PLEKHA5: variants seen among roughly 807,000 people sequenced by gnomAD.
PLEKHA5 encodes the protein pleckstrin homology domain containing A5, also known as pleckstrin homology domain-containing family A member 5.
A neutral mutation model predicts 181.9 loss-of-function variants in PLEKHA5; 55 were observed. The ratio of observed to expected loss-of-function variants is 0.30; its 90% CI spans 0.24 to 0.38. PLEKHA5 has a LOEUF of 0.38. PLEKHA5 is among the 10% of genes least tolerant of loss of function. The probability of loss-of-function intolerance (pLI) is 1.00; values close to 1 mark genes in which losing one functional copy is unlikely to be tolerated. For synonymous variants in PLEKHA5, 535 were observed against 529.4 expected (o/e 1.01, Z -0.15); for missense variants, 1,432 against 1,549.5 (o/e 0.92, Z 1.27).
At chr12:19,334,985 A>AC (rs1399888686) in intron 20 of PLEKHA5, among the ~76,000 whole-genome samples, 55 of 68,374 alleles carry the variant, frequency 8.0e-4, no homozygotes, top group African/African-American at 5.9e-3. Flanking sequence ...TTTTTTATGA[A>AC]AAAAAAAAAA....
Position 19,347,037 on chromosome 12 carries a change from A to C in PLEKHA5, c.2753A>C (p.Tyr918Ser). 1 of 1,551,552 alleles carries C rather than the reference A, an allele frequency of 6.4e-7. No homozygotes were observed. Among genetic ancestry groups the C allele is most frequent in the Non-Finnish European group, 8.7e-7 (1 of 1,146,774 alleles). Residue 918 changes from tyrosine (Y) to serine (S), a missense_variant, in exon 24 of 32, where the codon TAT (tyrosine) becomes TCT (serine). Tyr to Ser is a moderately radical substitution (Grantham distance 144). This residue lies in a region of PLEKHA5 where 1,143 missense variants were observed against 1,168.4 expected (regional missense o/e 0.98). Coordinates refer to ENST00000429027, the MANE Select transcript of PLEKHA5 (RefSeq NM_001256470.2). The stretch of plus-strand genomic sequence containing the variant: ...CCTCGTCCTCCACTTCCTCGGTCCT[A>C]TGACTTTACAGAGCAGCCTCCCATA... The part of the protein sequence containing the change: ...VPPRPPLPRS[Y>S]DFTEQPPIIP...
chr12:19,323,746 G>A (rs567401274), intron 20 of PLEKHA5, among the ~76,000 whole-genome samples: 334 of 151,104 alleles, frequency 2.2e-3, no homozygotes, highest in Non-Finnish European at 3.5e-3. Flanking sequence ...AACCTAGGAG[G>A]CAGAGGTTGC....
intron 16 of PLEKHA5, among the ~76,000 whole-genome samples, chr12:19,318,749 C>A (rs1420501723): frequency 6.6e-6 from 1 of 151,958 alleles, no homozygotes; most frequent in East Asian, 1.9e-4. Flanking sequence ...ATGGTGAAAC[C>A]CCGTCTCTAT....
chr12:19,173,058 C>T (rs1206529269), intron 3 of PLEKHA5, among the ~76,000 whole-genome samples: 1 of 111,078 alleles, frequency 9.0e-6, no homozygotes, highest in Non-Finnish European at 1.7e-5. Context: ...GCTCTGTCGC[C>T]CAGGCCGGAC....
In PLEKHA5 at chr12:19,183,058, A is replaced by G. The variant is rs192060155; in HGVS notation, c.227+50608A>G. The stretch of plus-strand genomic sequence containing the variant: ...TGTTGCTAATTAAAGTTTAAAAACC[A>G]CTAGTGAAAATAAACACCAAAACAT... On this transcript the variant is annotated intron_variant, in intron 3 of 31. Transcript: ENST00000429027. Among the ~76,000 whole-genome samples, 9 of 152,354 alleles carry G rather than the reference A, an allele frequency of 5.9e-5. No homozygotes were observed. In the East Asian group the frequency reaches 1.7e-3, roughly 29 times the overall value.
chr12:19,319,084 A>G (rs1296450140), intron 16 of PLEKHA5, among the ~76,000 whole-genome samples: 2 of 152,044 alleles, frequency 1.3e-5, no homozygotes, highest in African/African-American at 4.8e-5. Context: ...TTTTTTCCAG[A>G]TAGGAATATA....
At chr12:19,251,219 A>G (rs2065176205) in intron 3 of PLEKHA5, among the ~76,000 whole-genome samples, 1 of 152,088 alleles carries the variant, frequency 6.6e-6, no homozygotes, top group Admixed American at 6.5e-5. Context: ...AGCCTGGCCA[A>G]CATGGCAAAA....
chr12:19,173,258 C>G (rs1330852577), intron 3 of PLEKHA5, among the ~76,000 whole-genome samples: 2 of 151,442 alleles, frequency 1.3e-5, no homozygotes, highest in East Asian at 3.9e-4. Flanking sequence ...CTCCTGACCT[C>G]ATGATCCACC....
Position 19,285,163 on chromosome 12 carries a change from G to A in PLEKHA5, c.1779+1418G>A, listed in dbSNP as rs965645050. 2.6e-5 allele frequency among the ~76,000 whole-genome samples: 4 copies of A among 152,182 alleles called. No individual in the cohort carries two copies. The South Asian group carries it at 8.3e-4, about 31-fold the overall frequency. On this transcript the variant is annotated intron_variant, in intron 12 of 31. Coordinates refer to ENST00000429027, the MANE Select transcript of PLEKHA5 (RefSeq NM_001256470.2). ...TTGAACTCCATCGTAACAAAGTTCAGTGTTTCCTCACTTTTTCCAAAGACT... is the reference window on the plus strand; with the variant it reads ...TTGAACTCCATCGTAACAAAGTTCAATGTTTCCTCACTTTTTCCAAAGACT...
At chr12:19,189,620 G>C (rs904933176) in intron 3 of PLEKHA5, among the ~76,000 whole-genome samples, 2 of 152,152 alleles carry the variant, frequency 1.3e-5, no homozygotes, top group Non-Finnish European at 2.9e-5. Flanking sequence ...TTGTGGGAAA[G>C]CCAATGGAAA....
intron 20 of PLEKHA5, among the ~76,000 whole-genome samples, chr12:19,332,347 G>A (rs1418775412): frequency 1.3e-5 from 2 of 152,150 alleles, no homozygotes; most frequent in East Asian, 3.9e-4. Context: ...AATATAACAT[G>A]TTCTCAGAAA....
chr12:19,163,967 AG>A (rs1347535010), intron 3 of PLEKHA5, among the ~76,000 whole-genome samples: 1 of 152,130 alleles, frequency 6.6e-6, no homozygotes, highest in Non-Finnish European at 1.5e-5. Context: ...TTCTGTTTGA[AG>A]GGGTAACCAT....
At chr12:19,366,821 TC>T (rs2095435531) in intron 30 of PLEKHA5, among the ~76,000 whole-genome samples, 1 of 152,220 alleles carries the variant, frequency 6.6e-6, no homozygotes, top group Admixed American at 6.5e-5. Context: ...ACCTGGCTGT[TC>T]CTTCAATTGT....
At chr12:19,327,177 C>T (rs76750531) in intron 20 of PLEKHA5, among the ~76,000 whole-genome samples, 2 of 151,448 alleles carry the variant, frequency 1.3e-5, no homozygotes, top group African/African-American at 2.4e-5. Context: ...AGTGGCTGAA[C>T]TAATTTATAT....
chr12:19,307,662 T>C (rs2084530307), intron 15 of PLEKHA5: 3 of 328,052 alleles, frequency 9.1e-6, no homozygotes, highest in South Asian at 3.4e-5. Flanking sequence ...TAGGAGTCGT[T>C]GATGATTCAA....
intron 11 of PLEKHA5, among the ~76,000 whole-genome samples, chr12:19,281,351 C>T (rs1258009523): frequency 6.6e-6 from 1 of 151,996 alleles, no homozygotes; most frequent in Non-Finnish European, 1.5e-5. Flanking sequence ...CTGAGGCAGG[C>T]AGATTGCCTG....
At chr12:19,156,214 GTT>G (rs60021967) in intron 3 of PLEKHA5, among the ~76,000 whole-genome samples, 2 of 145,092 alleles carry the variant, frequency 1.4e-5, no homozygotes, top group African/African-American at 5.1e-5. Context: ...TCCTTTTTTT[GTT>G]TTTTTTTTTC....
At chr12:19,311,122 G>A (rs1006886881) in intron 15 of PLEKHA5, among the ~76,000 whole-genome samples, 11 of 151,952 alleles carry the variant, frequency 7.2e-5, no homozygotes, top group Non-Finnish European at 8.8e-5. Context: ...CATATTGCCC[G>A]TCGTAGAACC....
chr12:19,317,336 G>A (rs1263236393), intron 16 of PLEKHA5, among the ~76,000 whole-genome samples: 3 of 151,654 alleles, frequency 2.0e-5, no homozygotes, highest in Non-Finnish European at 4.4e-5. Flanking sequence ...CCTGGTGGGT[G>A]ACAGAATGAG....
Sources: allele counts gnomAD v4.1 joint callset (sites outside exome capture counted in the v4.1 genomes callset), GRCh38; gene constraint gnomAD v4.1.1; regional missense constraint gnomAD v4.1.1; transcripts MANE v1.5; gene names NCBI Gene and HGNC (gene_info 2026-07-23, HGNC 2026-07-21).